Variants in IKZF2 observed in about 807,000 individuals in gnomAD.
IKZF2 encodes zinc finger protein Helios.
A neutral mutation model predicts 49.2 loss-of-function variants in IKZF2; 15 were observed. The observed-to-expected ratio is 0.30, with a 90% CI of 0.20 to 0.47. The LOEUF (loss-of-function observed/expected upper bound fraction) is 0.47, where lower values mean the gene tolerates loss of function less well. Among genes scored for constraint, IKZF2 ranks in the 20% least tolerant of loss-of-function variants. The pLI is 1.00. For missense variants in IKZF2, 567 were observed against 664.6 expected (o/e 0.85, Z 1.61); for synonymous variants, 227 against 221.4 (o/e 1.03, Z -0.23).
chr2:213,101,445 T>A (rs1706644307), intron 4 of IKZF2, among the ~76,000 whole-genome samples: 1 of 152,064 alleles, frequency 6.6e-6, no homozygotes, highest in South Asian at 2.1e-4. Flanking sequence ...TTCACTGTAG[T>A]CTGCCTAAAG....
At chr2:213,040,473 C>T (rs755531665) in intron 6 of IKZF2, among the ~76,000 whole-genome samples, 26 of 151,946 alleles carry the variant, frequency 1.7e-4, no homozygotes, top group Non-Finnish European at 2.4e-4. Context: ...TAAAATTATA[C>T]ACTCTTCTGT....
intron 4 of IKZF2, among the ~76,000 whole-genome samples, chr2:213,106,642 TA>T (rs56160319): frequency 1.2e-3 from 151 of 126,596 alleles, no homozygotes; most frequent in Non-Finnish European, 1.3e-3. Flanking sequence ...AAACCCTGTC[TA>T]AAAAAAAAAA....
chr2:213,094,085 T>C (rs889388553), intron 4 of IKZF2, among the ~76,000 whole-genome samples: 3 of 152,046 alleles, frequency 2.0e-5, no homozygotes, highest in Non-Finnish European at 4.4e-5. Context: ...AAGAACATCT[T>C]GTGGGAAAAG....
chr2:213,124,244 G>GCA (rs1309906855), intron 4 of IKZF2, among the ~76,000 whole-genome samples: 5 of 78,998 alleles, frequency 6.3e-5, no homozygotes, highest in Non-Finnish European at 1.1e-4. Flanking sequence ...ATGCGCTCGC[G>GCA]CGCGCGCGCA....
In IKZF2 at chr2:213,006,021, G is replaced by A. The variant is rs1387368079; in HGVS notation, c.*1339C>T. 1 of 151,788 alleles carries A rather than the reference G, an allele frequency of 6.6e-6. No homozygotes were observed. The highest frequency in any genetic ancestry group is 1.5e-5 in the Non-Finnish European group (1 of 67,886). The allele number at this position is 151,788 out of a possible 1,614,324, so 9.4% of individuals were successfully genotyped here. ...TAAAAGTAAACTTTCTTATTTTTTT[G>A]TTTCTTTTATCTGTTGTCCAAGGTA... On this transcript the variant is annotated 3_prime_UTR_variant, in exon 9 of 9. Coordinates refer to ENST00000434687, the MANE Select transcript of IKZF2 (RefSeq NM_001387220.1).
At chr2:213,008,147 A>C in intron 8 of IKZF2, 63 bp from the exon 9 acceptor site, 1 of 1,472,478 alleles carries the variant, frequency 6.8e-7, no homozygotes, top group East Asian at 2.4e-5. Context: ...CATTAGTATC[A>C]GATTAAAAAT....
chr2:213,072,468 A>C (rs1702814781), intron 4 of IKZF2, among the ~76,000 whole-genome samples: 1 of 152,116 alleles, frequency 6.6e-6, no homozygotes, highest in Non-Finnish European at 1.5e-5. Context: ...TACAATCTGC[A>C]GATTTTATTA....
intron 4 of IKZF2, among the ~76,000 whole-genome samples, chr2:213,111,789 T>C (rs1574884233): frequency 6.6e-6 from 1 of 152,266 alleles, no homozygotes; most frequent in East Asian, 1.9e-4. Flanking sequence ...TTTTGTCCTA[T>C]GTTTTTTCAC....
At position 213,056,957 on chromosome 2, in the gene IKZF2, C is replaced by G; in HGVS notation, c.282G>C (p.Arg94Ser). The part of the protein sequence containing the change: ...LIESSEVADN[R>S]KVQELQGEGG... ...CCTCGCCTTGAAGCTCCTGGACTTT[C>G]CTGTTGTCAGCCACCTCGCTGCTCT... Residue 94 changes from arginine to serine, a missense_variant, in exon 5 of 9, where the codon AGG (arginine) becomes AGC (serine). Arg to Ser is a moderately radical substitution (Grantham distance 110). Coordinates refer to ENST00000434687, the MANE Select transcript of IKZF2 (RefSeq NM_001387220.1). 1 of 1,613,838 alleles carries G rather than the reference C, an allele frequency of 6.2e-7. No individual in the cohort carries two copies. Among genetic ancestry groups the G allele is most frequent in the Non-Finnish European group, 8.5e-7 (1 of 1,179,872 alleles).
At chr2:213,036,971 G>A (rs1699098461) in intron 6 of IKZF2, among the ~76,000 whole-genome samples, 1 of 152,072 alleles carries the variant, frequency 6.6e-6, no homozygotes, top group African/African-American at 2.4e-5. Context: ...AAGTCCCAGT[G>A]TGTCATGCCC....
At chr2:213,053,374 A>C (rs1700854633) in intron 5 of IKZF2, among the ~76,000 whole-genome samples, 1 of 152,086 alleles carries the variant, frequency 6.6e-6, no homozygotes, top group Non-Finnish European at 1.5e-5. Flanking sequence ...TTTATTATGG[A>C]ATATCTTATA....
At chr2:213,048,932 A>C (rs1229513273) in intron 6 of IKZF2, among the ~76,000 whole-genome samples, 1 of 152,074 alleles carries the variant, frequency 6.6e-6, no homozygotes, top group Non-Finnish European at 1.5e-5. Context: ...GAAGAAACAA[A>C]TAAAACTAGC....
chr2:213,122,201 C>T (rs2060080727), intron 4 of IKZF2, among the ~76,000 whole-genome samples: 1 of 152,160 alleles, frequency 6.6e-6, no homozygotes, highest in South Asian at 2.1e-4. Context: ...GCCTACCACC[C>T]AACCCTAAAG....
intron 4 of IKZF2, among the ~76,000 whole-genome samples, chr2:213,138,835 G>T (rs12052695): frequency 0.44 from 66,605 of 151,796 alleles, 18,057 homozygotes; most frequent in East Asian, 0.91. Context: ...CATGAGACTG[G>T]TTTGGTGTTT....
At chr2:213,040,874 T>C (rs1035829539) in intron 6 of IKZF2, among the ~76,000 whole-genome samples, 5 of 152,164 alleles carry the variant, frequency 3.3e-5, no homozygotes, top group Non-Finnish European at 5.9e-5. Flanking sequence ...TCCCAGCACT[T>C]TGGGAGGCTG....
At chr2:213,106,618 CGACAGAGTGAG>C (rs1559282275) in intron 4 of IKZF2, among the ~76,000 whole-genome samples, 1 of 136,048 alleles carries the variant, frequency 7.4e-6, no homozygotes, top group Non-Finnish European at 1.5e-5. Flanking sequence ...CCAACCTGGG[CGACAGAGTGAG>C]GGAAACCCTG....
At chr2:213,022,561 G>C (rs183213104) in intron 6 of IKZF2, among the ~76,000 whole-genome samples, 1 of 151,850 alleles carries the variant, frequency 6.6e-6, no homozygotes, top group Non-Finnish European at 1.5e-5. Flanking sequence ...AACTTAAAAT[G>C]CAACAACTTG....
At chr2:213,085,762 A>G (rs182096131) in intron 4 of IKZF2, among the ~76,000 whole-genome samples, 71 of 152,320 alleles carry the variant, frequency 4.7e-4, no homozygotes, top group African/African-American at 1.6e-3. Context: ...TTTAAGAACT[A>G]TCGCATCCTG....
chr2:213,091,330 G>A (rs901813218), intron 4 of IKZF2, among the ~76,000 whole-genome samples: 5 of 152,098 alleles, frequency 3.3e-5, no homozygotes, highest in Non-Finnish European at 7.4e-5. Context: ...TCTGAAGAAA[G>A]CTCTCATAAT....
Sources: gnomAD v4.1 joint callset for allele counts (sites outside exome capture counted in the v4.1 genomes callset) on GRCh38, gnomAD v4.1.1 for gene constraint, MANE v1.5 for transcripts, NCBI Gene and HGNC (gene_info 2026-07-23, HGNC 2026-07-21) for gene names.